Variants in CEP128 observed in about 807,000 individuals in gnomAD.
The protein encoded by CEP128 is centrosomal protein 128kDa.
A neutral mutation model predicts 156.7 loss-of-function variants in CEP128; 132 were observed. That is an observed-to-expected ratio of 0.84 (90% CI 0.73 to 0.97). The LOEUF is 0.97. Ranked by LOEUF, CEP128 falls within the 50% of genes least tolerant of loss-of-function variation. CEP128 has a pLI of 0.00. For synonymous variants in CEP128, 469 were observed against 448.9 expected, an observed-to-expected ratio of 1.04 and a Z score of -0.57; for missense variants, 1,252 against 1,281.9, an observed-to-expected ratio of 0.98 and a Z score of 0.36.
rs747465511 is a variant in CEP128, at chr14:80,784,986, A to C, written c.2120T>G (p.Val707Gly). 1 of 1,614,128 alleles carries C rather than the reference A, an allele frequency of 6.2e-7. No individual in the cohort carries two copies. The change falls in exon 15 of 25, where the codon GTG becomes GGG. Residue 707 changes from valine (V) to glycine (G), a missense_variant. Physicochemically the swap from Val to Gly is moderately radical, Grantham distance 109. Transcript: ENST00000555265. ...LKDLTSSLQS[V>G]KTKHEQNIQE... The stretch of plus-strand genomic sequence containing the variant: ...GATATTCTGTTCGTGTTTTGTTTTC[A>C]CACTCTGCAATGATGATGTGAGATC...
chr14:80,534,095 T>C (rs1889361720), intron 21 of CEP128, among the ~76,000 whole-genome samples: 2 of 152,168 alleles, frequency 1.3e-5, no homozygotes, highest in Non-Finnish European at 2.9e-5. Flanking sequence ...GTCTCATAAT[T>C]TCATGATTAA....
chr14:80,854,947 C>G (rs1039292199), intron 9 of CEP128, among the ~76,000 whole-genome samples: 1 of 151,574 alleles, frequency 6.6e-6, no homozygotes, highest in Non-Finnish European at 1.5e-5. Context: ...TATGTATTAC[C>G]AGAAACTGGA....
chr14:80,720,631 A>G lies in CEP128; in HGVS notation c.2806+22444T>C, dbSNP rs1595281576. On this transcript the variant is annotated intron_variant, in intron 19 of 24. Transcript: ENST00000555265. ...TCTTGGTATATGGTAGGTACTCAGA[A>G]AATATTAGGTCTCTTCTCATTTACT... 3.3e-5 allele frequency among the ~76,000 whole-genome samples: 5 copies of G among 152,342 alleles called. No homozygotes were observed. The South Asian group carries it at 6.2e-4, about 19-fold the overall frequency.
chr14:80,818,118 C>T (rs1398440884), intron 13 of CEP128, among the ~76,000 whole-genome samples: 2 of 152,246 alleles, frequency 1.3e-5, no homozygotes, highest in East Asian at 3.9e-4. Context: ...CTCTTGGGCT[C>T]AAGTGATCCT....
intron 23 of CEP128, among the ~76,000 whole-genome samples, chr14:80,509,751 A>G (rs1157714186): frequency 2.0e-5 from 3 of 152,092 alleles, no homozygotes; most frequent in Non-Finnish European, 4.4e-5. Context: ...TAGTAGTTTC[A>G]TAATTTGAGG....
intron 14 of CEP128, among the ~76,000 whole-genome samples, chr14:80,482,055 T>C (rs1157891279): frequency 6.6e-6 from 1 of 152,252 alleles, no homozygotes; most frequent in Non-Finnish European, 1.5e-5. Flanking sequence ...GAATCGCTTT[T>C]TAAAGAAAAA....
intron 19 of CEP128, among the ~76,000 whole-genome samples, chr14:80,717,783 C>T (rs1472092252): frequency 6.6e-6 from 1 of 151,984 alleles, no homozygotes; most frequent in Non-Finnish European, 1.5e-5. Context: ...TCACACATAC[C>T]CAGAGCCTCT....
intron 23 of CEP128, among the ~76,000 whole-genome samples, chr14:80,508,035 C>A (rs1888063375): frequency 6.6e-6 from 1 of 152,192 alleles, no homozygotes; most frequent in Admixed American, 6.5e-5. Flanking sequence ...CTGCCTCAGC[C>A]CCCGCTAGTA....
rs141807466 is a variant in CEP128, at chr14:80,897,569, G to C, written c.573-1779C>G. On this transcript the variant is annotated intron_variant, in intron 7 of 24. Transcript: ENST00000555265. Reference sequence around the variant, plus strand: ...CCAGTCTTCCATATCTCAGGAAGTGGAATTACCATCTACCTAGTTATTCAA... The same window carrying C: ...CCAGTCTTCCATATCTCAGGAAGTGCAATTACCATCTACCTAGTTATTCAA... Among the ~76,000 whole-genome samples, 889 of 152,130 alleles carry C rather than the reference G, an allele frequency of 5.8e-3. 12 individuals are homozygous for C. The highest frequency in any genetic ancestry group is 0.03 in the South Asian group (146 of 4,816).
At chr14:80,739,917 T>C (rs555921482) in intron 19 of CEP128, among the ~76,000 whole-genome samples, 2 of 152,312 alleles carry the variant, frequency 1.3e-5, no homozygotes, top group African/African-American at 4.8e-5. Context: ...CTAATTAAAT[T>C]ACTTAATCAA....
At chr14:80,867,009 T>C (rs1010726232) in intron 8 of CEP128, among the ~76,000 whole-genome samples, 7 of 152,186 alleles carry the variant, frequency 4.6e-5, no homozygotes, top group Non-Finnish European at 2.9e-5. Context: ...ATCACAGAAA[T>C]TAAAAATCTC....
intron 13 of CEP128, among the ~76,000 whole-genome samples, chr14:80,824,214 G>A (rs552866618): frequency 1.6e-3 from 240 of 152,256 alleles, no homozygotes; most frequent in East Asian, 4.1e-3. Context: ...CCCTGGGCCC[G>A]GATCATGAAA....
chr14:80,541,205 T>C (rs1889741347), intron 21 of CEP128, among the ~76,000 whole-genome samples: 1 of 152,152 alleles, frequency 6.6e-6, no homozygotes, highest in East Asian at 1.9e-4. Context: ...TCTAATAACC[T>C]TTTTGGCACT....
intron 17 of CEP128, among the ~76,000 whole-genome samples, chr14:80,760,436 G>C (rs910203289): frequency 1.3e-5 from 2 of 151,982 alleles, no homozygotes; most frequent in African/African-American, 4.8e-5. Flanking sequence ...AAAAAAGGCA[G>C]AGAGAAAGAG....
chr14:80,599,635 G>T (rs945265153), intron 19 of CEP128, among the ~76,000 whole-genome samples: 2 of 151,676 alleles, frequency 1.3e-5, no homozygotes, highest in African/African-American at 4.8e-5. Flanking sequence ...AAAGTATATA[G>T]TTAGACACTG....
At chr14:80,635,205 G>C (rs1172805281) in intron 19 of CEP128, among the ~76,000 whole-genome samples, 1 of 152,102 alleles carries the variant, frequency 6.6e-6, no homozygotes, top group Non-Finnish European at 1.5e-5. Flanking sequence ...ATCTGTCCGT[G>C]AAAATTCATT....
At chr14:80,820,997 T>C (rs986405593) in intron 13 of CEP128, among the ~76,000 whole-genome samples, 4 of 152,252 alleles carry the variant, frequency 2.6e-5, no homozygotes, top group African/African-American at 9.6e-5. Flanking sequence ...AAAATCTTCC[T>C]AATGTTGACC....
intron 7 of CEP128, among the ~76,000 whole-genome samples, chr14:80,897,135 A>C (rs1258915188): frequency 6.6e-6 from 1 of 152,226 alleles, no homozygotes; most frequent in Non-Finnish European, 1.5e-5. Flanking sequence ...TGGAATAACA[A>C]AGAATAATAA....
At chr14:80,945,831 A>T (rs189639472), upstream of CEP128, 2 of 152,338 alleles carry the variant, frequency 1.3e-5, no homozygotes, top group East Asian at 3.9e-4. Context: ...CCACGAGGAA[A>T]TGAGCCCAAG....
Sources: allele counts gnomAD v4.1 joint callset (sites outside exome capture counted in the v4.1 genomes callset), GRCh38; gene constraint gnomAD v4.1.1; transcripts MANE v1.5; gene names NCBI Gene and HGNC (gene_info 2026-07-23, HGNC 2026-07-21).